Variants in ZNF536 observed in about 807,000 individuals in gnomAD.
The protein encoded by ZNF536 is zinc finger protein 536.
ZNF536 carries 13 observed loss-of-function variants against 84.5 expected under a neutral mutation model. The observed-to-expected ratio is 0.15, with a 90% CI of 0.10 to 0.24. ZNF536 has a LOEUF of 0.24. Ranked by LOEUF, ZNF536 falls within the 10% of genes least tolerant of loss-of-function variation. The pLI is 1.00. For missense variants in ZNF536, 1,536 were observed against 1,747.5 expected, an observed-to-expected ratio of 0.88 and a Z score of 2.16; for synonymous variants, 811 against 742.5, an observed-to-expected ratio of 1.09 and a Z score of -1.50.
chr19:30,250,327 G>A (rs575296222), intron 1 of ZNF536, among the ~76,000 whole-genome samples: 8 of 152,212 alleles, frequency 5.3e-5, no homozygotes, highest in Non-Finnish European at 1.2e-4. Context: ...CGAGGTCTGT[G>A]TTTCATCTAC....
chr19:30,627,381 G>T (rs1317148667), intron 1 of ZNF536, among the ~76,000 whole-genome samples: 1 of 147,940 alleles, frequency 6.8e-6, no homozygotes, highest in East Asian at 2.0e-4. Context: ...TGAGGGAAGA[G>T]GATCACTTGA....
chr19:30,686,716 A>G (rs755233610), intron 1 of ZNF536, among the ~76,000 whole-genome samples: 13 of 151,980 alleles, frequency 8.6e-5, no homozygotes, highest in Non-Finnish European at 1.5e-4. Flanking sequence ...CTCCTCTGTC[A>G]TCTCTCCTCA....
At chr19:30,712,380 G>C (rs778284260) in exon 2 of ZNF536, 1 of 150,512 alleles carries the variant, frequency 6.6e-6, no homozygotes, top group Non-Finnish European at 1.5e-5. Flanking sequence ...TGTGGTGGTA[G>C]AGAAGTATGA....
At position 30,228,981 on chromosome 19, in the gene ZNF536, G is replaced by A. The variant is rs2022804348; in HGVS notation, c.-190+308G>A. 6.6e-6 allele frequency among the ~76,000 whole-genome samples: 1 copy of A among 151,948 alleles called. No individual in the cohort carries two copies. The highest frequency in any genetic ancestry group is 1.5e-5 in the Non-Finnish European group (1 of 67,968). On this transcript the variant is annotated intron_variant, in intron 1 of 5. Transcript: ENST00000585628. The surrounding 1 kb of genome is among the most constrained non-coding windows in gnomAD (Gnocchi z 4.5). ...CGCAGTTGGGCATCTTGCCTGGGTC[G>A]GGGGCGGGCAGTCGGTCCCAGTGGC...
intron 1 of ZNF536, among the ~76,000 whole-genome samples, chr19:30,590,179 G>A (rs191932544): frequency 2.2e-3 from 342 of 152,344 alleles, no homozygotes; most frequent in Non-Finnish European, 4.0e-3. Flanking sequence ...GATCTGGTGA[G>A]TGTGAGCCTT....
rs1046562091 is a variant in ZNF536 at position 30,554,125 on chromosome 19, C to T, written c.3896-3032C>T. On this transcript the variant is annotated intron_variant, in intron 4 of 4. Transcript: ENST00000355537. ...GAATTCGGGTCCATTGAAACCTATT[C>T]AAATTACATATTTTTATGTGTGATG... The T allele has an allele frequency of 2.1e-5, 3 of 145,768 alleles. No homozygotes were observed. In the Admixed American group the frequency reaches 2.1e-4, roughly 10 times the overall value. The allele number at this position is 145,768 out of a possible 1,614,324, so 9.0% of individuals were successfully genotyped here.
At chr19:30,261,991 T>G (rs2025251401) in intron 1 of ZNF536, among the ~76,000 whole-genome samples, 1 of 152,114 alleles carries the variant, frequency 6.6e-6, no homozygotes, top group Non-Finnish European at 1.5e-5. Context: ...TGCTGGTGGG[T>G]GCACTTCTGC....
chr19:30,615,693 A>C (rs2048269749), intron 1 of ZNF536, among the ~76,000 whole-genome samples: 1 of 152,120 alleles, frequency 6.6e-6, no homozygotes, highest in African/African-American at 2.4e-5. Context: ...AGAAGGTAAA[A>C]AGCTACATTA....
upstream of ZNF536, among the ~76,000 whole-genome samples, chr19:30,370,956 T>TA (rs900067336): frequency 6.6e-6 from 1 of 152,192 alleles, no homozygotes; most frequent in African/African-American, 2.4e-5. Context: ...GCACTCCGTG[T>TA]AAAAAATCAC....
At chr19:30,475,579 T>C (rs1333818580) in intron 2 of ZNF536, among the ~76,000 whole-genome samples, 1 of 152,214 alleles carries the variant, frequency 6.6e-6, no homozygotes, top group Non-Finnish European at 1.5e-5. Flanking sequence ...ACTGCTGCCA[T>C]AGTCAGTGCC....
At chr19:30,479,041 C>G (rs1258512748) in intron 2 of ZNF536, among the ~76,000 whole-genome samples, 1 of 152,224 alleles carries the variant, frequency 6.6e-6, no homozygotes, top group African/African-American at 2.4e-5. Context: ...AAGCCCTGCC[C>G]TCTCCCCAGT....
intron 1 of ZNF536, among the ~76,000 whole-genome samples, chr19:30,230,791 A>G (rs539400928): frequency 6.6e-6 from 1 of 152,322 alleles, no homozygotes; most frequent in South Asian, 2.1e-4. Context: ...TCTGAACTCC[A>G]TCTTACTTTT....
chr19:30,420,351 G>A (rs1038378290), intron 1 of ZNF536, among the ~76,000 whole-genome samples: 2 of 152,210 alleles, frequency 1.3e-5, no homozygotes, highest in African/African-American at 4.8e-5. Flanking sequence ...TCCGCAGTGC[G>A]GTGTGTACAA....
chr19:30,644,514 C>G (rs564082649), intron 1 of ZNF536, among the ~76,000 whole-genome samples: 4 of 152,258 alleles, frequency 2.6e-5, no homozygotes, highest in African/African-American at 9.6e-5. Flanking sequence ...TATCCCTCCC[C>G]CATCCTCCCA....
intron 1 of ZNF536, among the ~76,000 whole-genome samples, chr19:30,575,907 G>T (rs867742408): frequency 6.6e-6 from 1 of 152,166 alleles, no homozygotes; most frequent in Non-Finnish European, 1.5e-5. Flanking sequence ...GGGAGGGACG[G>T]GTCACAGAAA....
intron 1 of ZNF536, among the ~76,000 whole-genome samples, chr19:30,643,318 A>T (rs1419174385): frequency 3.3e-5 from 5 of 152,294 alleles, no homozygotes; most frequent in African/African-American, 7.2e-5. Flanking sequence ...TTGGAGGTGG[A>T]TGTGAGAGAA....
In ZNF536 at chr19:30,360,282, C is replaced by T. The variant is rs1004692867; in HGVS notation, c.-3+7798C>T. ...TTGATTTCTGTACTCTCCCTTCATC[C>T]TGTTCACATGCAACATGGAGTTTCT... is the stretch of plus-strand genomic sequence containing the variant. On this transcript the variant is annotated intron_variant, in intron 3 of 5. Coordinates refer to the ZNF536 transcript ENST00000585628. 3.3e-5 allele frequency among the ~76,000 whole-genome samples: 5 copies of T among 152,238 alleles called. 1 individual carries two copies. Among genetic ancestry groups the T allele is most frequent in the Admixed American group, 2.6e-4 (4 of 15,294 alleles).
chr19:30,226,341 C>T (rs1309697338), upstream of ZNF536, among the ~76,000 whole-genome samples: 8 of 152,168 alleles, frequency 5.3e-5, no homozygotes, highest in African/African-American at 1.9e-4. The surrounding 1 kb of genome is among the most constrained non-coding windows in gnomAD (Gnocchi z 4.6). Flanking sequence ...TTCTCTGGTC[C>T]GCGCTCACTG....
chr19:30,337,424 A>T (rs2047417369), intron 2 of ZNF536, among the ~76,000 whole-genome samples: 1 of 152,186 alleles, frequency 6.6e-6, no homozygotes, highest in African/African-American at 2.4e-5. Flanking sequence ...CCCTTTGCCG[A>T]ACTTAGGATA....
Sources: allele counts gnomAD v4.1 joint callset (sites outside exome capture counted in the v4.1 genomes callset), GRCh38; gene constraint gnomAD v4.1.1; non-coding constraint Gnocchi (gnomAD v3.1); transcripts MANE v1.5; gene names NCBI Gene and HGNC (gene_info 2026-07-23, HGNC 2026-07-21).